CNTNAP4: variants seen among roughly 807,000 people sequenced by gnomAD.
CNTNAP4 encodes contactin associated protein family member 4, also known as contactin-associated protein-like 4.
A neutral mutation model predicts 148.4 loss-of-function variants in CNTNAP4; 98 were observed. That is an observed-to-expected ratio of 0.66 (90% CI 0.56 to 0.78). The LOEUF is 0.78. Ranked by LOEUF, CNTNAP4 falls within the 30% of genes least tolerant of loss-of-function variation. The pLI is 0.00. For synonymous variants in CNTNAP4, 730 were observed against 565.1 expected (o/e 1.29, Z -4.14); for missense variants, 1,935 against 1,565.6 (o/e 1.24, Z -3.98).
intron 4 of CNTNAP4, among the ~76,000 whole-genome samples, chr16:76,445,834 G>A (rs1158399795): frequency 1.3e-5 from 2 of 152,062 alleles, no homozygotes; most frequent in Non-Finnish European, 2.9e-5. Context: ...ACATTAACTC[G>A]GAGATAACTG....
intron 3 of CNTNAP4, among the ~76,000 whole-genome samples, chr16:76,406,708 C>T (rs913463551): frequency 6.6e-6 from 1 of 152,180 alleles, no homozygotes; most frequent in Non-Finnish European, 1.5e-5. Context: ...AAATCAGCCA[C>T]TACATTCCCT....
intron 8 of CNTNAP4, among the ~76,000 whole-genome samples, chr16:76,460,773 A>ATATATATATATATAT (rs1555564517): frequency 1.2e-4 from 7 of 57,328 alleles, no homozygotes; most frequent in African/African-American, 3.9e-4. Context: ...AAAAAAAAAA[A>ATATATATATATATAT]ATATATATAT....
At chr16:76,370,283 C>T (rs1363953778) in intron 3 of CNTNAP4, among the ~76,000 whole-genome samples, 4 of 149,962 alleles carry the variant, frequency 2.7e-5, no homozygotes, top group African/African-American at 1.0e-4. Flanking sequence ...TGAGTGTATT[C>T]TGACAGAAAA....
chr16:76,355,840 TTTTATTTATTTATTTATTTA>T (rs138725617), intron 3 of CNTNAP4, among the ~76,000 whole-genome samples: 65 of 141,778 alleles, frequency 4.6e-4, no homozygotes, highest in East Asian at 3.1e-3. Flanking sequence ...TTGCATTGTC[TTTTATTTATTTATTTATTTA>T]TTTATTTATT....
At chr16:76,380,998 C>T (rs1460702833) in intron 3 of CNTNAP4, among the ~76,000 whole-genome samples, 1 of 152,172 alleles carries the variant, frequency 6.6e-6, no homozygotes, top group Non-Finnish European at 1.5e-5. Flanking sequence ...TCCTTTGTCG[C>T]CAGGCTCTGC....
intron 17 of CNTNAP4, among the ~76,000 whole-genome samples, chr16:76,527,873 A>T (rs184316947): frequency 6.6e-6 from 1 of 152,302 alleles, no homozygotes; most frequent in East Asian, 1.9e-4. Context: ...TTTATCTTAA[A>T]AATGAATAAA....
At chr16:76,310,038 A>C (rs1048048053) in intron 1 of CNTNAP4, 6 of 595,448 alleles carry the variant, frequency 1.0e-5, no homozygotes, top group African/African-American at 3.8e-5. Flanking sequence ...TGCTTCAGAC[A>C]GAAGTCTGGC....
At chr16:76,420,937 T>G (rs2079168565) in intron 3 of CNTNAP4, among the ~76,000 whole-genome samples, 3 of 152,188 alleles carry the variant, frequency 2.0e-5, no homozygotes, top group South Asian at 4.1e-4. Context: ...TCAATAAAAA[T>G]TTAGTCTTCC....
At chr16:76,404,306 A>G (rs981253331) in intron 3 of CNTNAP4, among the ~76,000 whole-genome samples, 5 of 152,168 alleles carry the variant, frequency 3.3e-5, no homozygotes, top group Admixed American at 2.6e-4. Context: ...AACAATAACA[A>G]AAAAGCATAT....
intron 3 of CNTNAP4, among the ~76,000 whole-genome samples, chr16:76,390,708 T>G (rs1351889367): frequency 2.0e-5 from 3 of 152,242 alleles, no homozygotes; most frequent in African/African-American, 7.2e-5. Context: ...GCCCTTATTA[T>G]TATGAAACAA....
rs140812728 is a variant in CNTNAP4, at chr16:76,342,707, C to T, written c.197-12611C>T. On this transcript the variant is annotated intron_variant, in intron 2 of 23. Coordinates refer to ENST00000611870, the MANE Select transcript of CNTNAP4 (RefSeq NM_033401.5). ...CAGGATGGTCTAGATCTCCTGACCT[C>T]GTGATCTGCCCACCTCGGCATAAAT... Among the ~76,000 whole-genome samples, 107 of 152,094 alleles carry T rather than the reference C, an allele frequency of 7.0e-4. 1 individual carries two copies. Among genetic ancestry groups the T allele is most frequent in the African/African-American group, 2.4e-3 (99 of 41,508 alleles).
chr16:76,304,159 C>T (rs888691540), intron 1 of CNTNAP4, among the ~76,000 whole-genome samples: 40 of 151,922 alleles, frequency 2.6e-4, no homozygotes, highest in Non-Finnish European at 5.3e-4. Flanking sequence ...TAGTATGTAC[C>T]ATCATTATCC....
intron 21 of CNTNAP4, among the ~76,000 whole-genome samples, chr16:76,546,552 A>G (rs1248198008): frequency 1.3e-5 from 2 of 152,306 alleles, no homozygotes; most frequent in East Asian, 3.9e-4. Context: ...CCGTCTAGTT[A>G]CAGGAAGAGA....
chr16:76,296,087 A>C (rs1053875703), intron 1 of CNTNAP4, among the ~76,000 whole-genome samples: 1 of 152,230 alleles, frequency 6.6e-6, no homozygotes, highest in Non-Finnish European at 1.5e-5. Context: ...ATTGTGTGTG[A>C]TTTCTACAAT....
At chr16:76,376,785 A>G (rs992334495) in intron 3 of CNTNAP4, among the ~76,000 whole-genome samples, 25 of 152,204 alleles carry the variant, frequency 1.6e-4, no homozygotes, top group African/African-American at 6.0e-4. Flanking sequence ...TGGCAAGAGC[A>G]TGGAGGAAGA....
Position 76,461,960 on chromosome 16 carries a change from C to A in CNTNAP4, c.1338C>A (p.Val446=). The A allele has an allele frequency of 6.2e-7, 1 of 1,613,284 alleles. No homozygotes were observed. Among genetic ancestry groups the A allele is most frequent in the South Asian group, 1.1e-5 (1 of 90,974 alleles). ...TAACTGATTTCATCTCCCTAGGTGT[C>A]GAATTAAATGATGGGCAGTGGCATT... ...GKLPSDITAG[V]ELNDGQWHSV... The change falls in exon 9 of 24, where the codon GTC becomes GTA. Residue 446 remains valine, a synonymous_variant. Transcript: ENST00000611870.
At chr16:76,497,315 A>G (rs1272044083) in intron 14 of CNTNAP4, among the ~76,000 whole-genome samples, 1 of 152,234 alleles carries the variant, frequency 6.6e-6, no homozygotes, top group Admixed American at 6.5e-5. Context: ...GACATTTCAC[A>G]TTGTTAAAAA....
chr16:76,464,414 C>G (rs1050819940), intron 9 of CNTNAP4, among the ~76,000 whole-genome samples: 1 of 152,144 alleles, frequency 6.6e-6, no homozygotes, highest in African/African-American at 2.4e-5. Flanking sequence ...CGACCTTCAT[C>G]CTGGGAACAA....
intron 2 of CNTNAP4, among the ~76,000 whole-genome samples, chr16:76,343,003 C>G (rs943321695): frequency 6.6e-6 from 1 of 152,084 alleles, no homozygotes; most frequent in Non-Finnish European, 1.5e-5. Flanking sequence ...CTGCCACATT[C>G]TCTGTGGTAA....
Sources: gnomAD v4.1 joint callset for allele counts (sites outside exome capture counted in the v4.1 genomes callset) on GRCh38, gnomAD v4.1.1 for gene constraint, MANE v1.5 for transcripts, NCBI Gene and HGNC (gene_info 2026-07-23, HGNC 2026-07-21) for gene names.